Variants in SETDB2 observed in about 807,000 individuals in gnomAD.
SETDB2 encodes SET domain bifurcated histone lysine methyltransferase 2, also known as histone-lysine N-methyltransferase SETDB2.
Under a neutral mutation model 82.5 loss-of-function variants are expected in SETDB2, and 56 were observed. The ratio of observed to expected loss-of-function variants is 0.68; its 90% CI spans 0.55 to 0.85. The LOEUF (loss-of-function observed/expected upper bound fraction) is 0.85. Ranked by LOEUF, SETDB2 falls within the 40% of genes least tolerant of loss-of-function variation. The probability of loss-of-function intolerance (pLI) is 0.00; values close to 1 mark genes in which losing one functional copy is unlikely to be tolerated. For missense variants in SETDB2, 677 were observed against 816.4 expected, an observed-to-expected ratio of 0.83 and a Z score of 2.08; for synonymous variants, 272 against 284.9, an observed-to-expected ratio of 0.95 and a Z score of 0.46.
At chr13:49,448,412 AATTT>A (rs1957731302) in intron 1 of SETDB2, among the ~76,000 whole-genome samples, 1 of 152,146 alleles carries the variant, frequency 6.6e-6, no homozygotes, top group South Asian at 2.1e-4. Context: ...TTGCTAATAA[AATTT>A]ATTTAAGGCC....
chr13:49,471,644 G>T (rs1167542416), intron 5 of SETDB2, among the ~76,000 whole-genome samples: 1 of 151,582 alleles, frequency 6.6e-6, no homozygotes, highest in African/African-American at 2.4e-5. Flanking sequence ...AAACCCAAAA[G>T]ATTATTTTTA....
intron 2 of SETDB2, among the ~76,000 whole-genome samples, chr13:49,458,956 C>T (rs762202373): frequency 1.8e-4 from 27 of 152,186 alleles, no homozygotes; most frequent in Non-Finnish European, 2.6e-4. Context: ...ATAGGGCCTT[C>T]GATGTCATGC....
Position 49,494,733 on chromosome 13 carries a change from G to A in SETDB2, c.*2884G>A, listed in dbSNP as rs937746007. ...CTCTTCTGCAATTCATTTCATAGTT[G>A]TCAAGACTATACAAATTGTCCTTTT... On this transcript the variant is annotated 3_prime_UTR_variant, in exon 14 of 14. Coordinates refer to ENST00000611815, the MANE Select transcript of SETDB2 (RefSeq NM_001160308.3). 13 of 152,102 alleles carry A rather than the reference G, an allele frequency of 8.5e-5. No homozygotes were observed. The highest frequency in any genetic ancestry group is 3.1e-4 in the African/African-American group (13 of 41,398). 9.4% of individuals were successfully genotyped at this position (152,102 alleles called of 1,614,324 possible). A position where few individuals can be genotyped will look rare whatever the true frequency, so the allele number is the denominator to read the frequency against.
chr13:49,476,500 C>A lies in SETDB2; in HGVS notation c.330C>A (p.Leu110=). Residue 110 remains leucine (L), a synonymous_variant, in exon 6 of 14, where the codon CTC becomes CTA. Transcript: ENST00000611815. ...GAACAACAGAAAATAAGGAAATTCTCTCTCTTGAAGATAAAGTTGTAGACT... is the reference window on the plus strand; with the variant it reads ...GAACAACAGAAAATAAGGAAATTCTATCTCTTGAAGATAAAGTTGTAGACT... ...TFLTTENKEI[L]SLEDKVVDFR... The A allele has an allele frequency of 6.3e-7, 1 of 1,579,392 alleles. No individual in the cohort carries two copies. Among genetic ancestry groups the A allele is most frequent in the South Asian group, 1.2e-5 (1 of 85,532 alleles).
chr13:49,477,124 T>C, intron 6 of SETDB2, 85 bp downstream of exon 6: 2 of 1,260,292 alleles, frequency 1.6e-6, no homozygotes, highest in East Asian at 2.5e-5. Context: ...TTAATTTGTC[T>C]ATCTAAAACC....
intron 2 of SETDB2, among the ~76,000 whole-genome samples, chr13:49,459,520 T>C (rs1381173914): frequency 6.6e-6 from 1 of 152,208 alleles, no homozygotes; most frequent in Non-Finnish European, 1.5e-5. Flanking sequence ...TTTGACAACT[T>C]ATAATTGTTT....
rs962627738 is a variant in SETDB2, at chr13:49,451,552, G to A, written c.-341-1G>A. Reference sequence around the variant, plus strand: ...ACTATTCTTTATTGTTTTCCTTACAGAATGTTTCATCCATTTGTGGACCAA... The same window carrying A: ...ACTATTCTTTATTGTTTTCCTTACAAAATGTTTCATCCATTTGTGGACCAA... On this transcript the variant is annotated splice_acceptor_variant, in intron 1 of 13. Transcript: ENST00000611815. LOFTEE classifies it low-confidence loss of function (5UTR_SPLICE). The A allele has an allele frequency of 6.5e-6, 1 of 153,494 alleles. No homozygotes were observed. The highest frequency in any genetic ancestry group is 2.5e-5 in the African/African-American group (1 of 40,796). 9.5% of individuals were successfully genotyped at this position (153,494 alleles called of 1,614,324 possible). A position where few individuals can be genotyped will look rare whatever the true frequency, so the allele number is the denominator to read the frequency against.
chr13:49,456,674 C>T (rs1415200141), intron 2 of SETDB2, among the ~76,000 whole-genome samples: 3 of 152,104 alleles, frequency 2.0e-5, no homozygotes, highest in African/African-American at 7.2e-5. Context: ...AAGTGAAGAT[C>T]AGGAGCAAGA....
intron 12 of SETDB2, among the ~76,000 whole-genome samples, chr13:49,490,507 A>G (rs1958691271): frequency 6.6e-6 from 1 of 152,196 alleles, no homozygotes; most frequent in Non-Finnish European, 1.5e-5. Flanking sequence ...ATACAGATGA[A>G]TCTGTGGAAT....
Position 49,480,934 on chromosome 13 carries a change from A to G in SETDB2, c.987-13A>G. On this transcript the variant is annotated splice_polypyrimidine_tract_variant and intron_variant, in intron 7 of 13. Coordinates refer to ENST00000611815, the MANE Select transcript of SETDB2 (RefSeq NM_001160308.3). The stretch of plus-strand genomic sequence containing the variant: ...AGATGTCTGATTTTCTCTTTTGCAT[A>G]TTTTGTTGACAGCATTTATGAATGC... 1.2e-6 allele frequency: 2 copies of G among 1,613,348 alleles called. No individual in the cohort carries two copies. The highest frequency in any genetic ancestry group is 1.3e-5 in the African/African-American group (1 of 75,006).
At chr13:49,489,907 G>GCCC (rs530235148) in intron 12 of SETDB2, among the ~76,000 whole-genome samples, 9 of 30,614 alleles carry the variant, frequency 2.9e-4, no homozygotes, top group Non-Finnish European at 3.9e-4. Flanking sequence ...TATTTCTCCC[G>GCCC]CCCCCCCCCC....
chr13:49,450,583 T>C (rs1307548208), intron 1 of SETDB2, among the ~76,000 whole-genome samples: 1 of 152,204 alleles, frequency 6.6e-6, no homozygotes, highest in African/African-American at 2.4e-5. Context: ...GCTGTTGTGA[T>C]TGTGGTTGCC....
In SETDB2 at chr13:49,494,980, A is replaced by G. The variant is rs1958777279; in HGVS notation, c.*3131A>G. 1 of 152,114 alleles carries G rather than the reference A, an allele frequency of 6.6e-6. No individual in the cohort carries two copies. Among genetic ancestry groups the G allele is most frequent in the Non-Finnish European group, 1.5e-5 (1 of 68,030 alleles). The allele number at this position is 152,114 out of a possible 1,614,324, so 9.4% of individuals were successfully genotyped here. The stretch of plus-strand genomic sequence containing the variant: ...GCTCTGTACCCTATGGGTGCTAAAT[A>G]AAGGCTTGCTACTGGCAACTGGATT... On this transcript the variant is annotated 3_prime_UTR_variant, in exon 14 of 14. Coordinates refer to ENST00000611815, the MANE Select transcript of SETDB2 (RefSeq NM_001160308.3).
At position 49,460,113 on chromosome 13, in the gene SETDB2, C is replaced by T; in HGVS notation, c.23C>T (p.Ala8Val). The stretch of plus-strand genomic sequence containing the variant: ...TCACTTATTTTTATTTTAGGCGATG[C>T]AAAAACTTTCTGGATGGAGCTAGAA... MGEKNGD[A>V]KTFWMELEDD... Residue 8 changes from alanine to valine, a missense_variant, in exon 3 of 14, where the codon GCA (alanine) becomes GTA (valine). By Grantham distance (64) the Ala-to-Val change is moderately conservative. Transcript: ENST00000611815. 1.9e-6 allele frequency: 3 copies of T among 1,609,762 alleles called. No homozygotes were observed. Among genetic ancestry groups the T allele is most frequent in the Non-Finnish European group, 2.5e-6 (3 of 1,178,602 alleles).
At chr13:49,490,530 A>ATGAGAT (rs2139001968) in intron 12 of SETDB2, among the ~76,000 whole-genome samples, 1 of 152,318 alleles carries the variant, frequency 6.6e-6, no homozygotes, top group Admixed American at 6.5e-5. Context: ...AATTCTAGAT[A>ATGAGAT]TGAGATTGCA....
rs747488443 is a variant in SETDB2 at position 49,488,370 on chromosome 13, AGAG to A, written c.1658_1660del (p.Arg553_Glu554delinsLys). The A allele has an allele frequency of 6.2e-7, 1 of 1,612,360 alleles. No homozygotes were observed. Among genetic ancestry groups the A allele is most frequent in the South Asian group, 1.1e-5 (1 of 90,586 alleles). On this transcript the variant is annotated inframe_deletion, in exon 12 of 14. Transcript: ENST00000611815. ...AGATGTGATAGATATAACTAAATAT[AGAG>A]AAGAAACTCCACCAAGGAGCAGATG... is the stretch of plus-strand genomic sequence containing the variant.
chr13:49,466,040 T>A (rs891718285), intron 4 of SETDB2, among the ~76,000 whole-genome samples: 5 of 152,214 alleles, frequency 3.3e-5, no homozygotes, highest in Admixed American at 1.3e-4. Flanking sequence ...TGGCTACTGT[T>A]GATTACACTC....
intron 10 of SETDB2, among the ~76,000 whole-genome samples, chr13:49,485,349 G>A (rs1381838429): frequency 6.6e-6 from 1 of 152,186 alleles, no homozygotes; most frequent in African/African-American, 2.4e-5. Context: ...AGAATTGGGG[G>A]ATACAGACAG....
intron 4 of SETDB2, among the ~76,000 whole-genome samples, chr13:49,466,573 G>A (rs2138884890): frequency 6.6e-6 from 1 of 152,080 alleles, no homozygotes; most frequent in South Asian, 2.1e-4. Flanking sequence ...TTTTCCCTTT[G>A]GCATAATAAA....
Sources: allele counts gnomAD v4.1 joint callset (sites outside exome capture counted in the v4.1 genomes callset), GRCh38; gene constraint gnomAD v4.1.1; transcripts MANE v1.5; gene names NCBI Gene and HGNC (gene_info 2026-07-23, HGNC 2026-07-21).